The following TMCO1 variants were observed in gnomAD, a reference collection of about 807,000 sequenced individuals.
TMCO1 encodes the protein transmembrane and coiled-coil domains 1, also known as calcium load-activated calcium channel.
In TMCO1, 29 loss-of-function variants were observed where a neutral mutation model predicts 29.3. The observed-to-expected ratio is 0.99, with a 90% CI of 0.74 to 1.35. The LOEUF (loss-of-function observed/expected upper bound fraction) is 1.35, where lower values mean the gene tolerates loss of function less well. Among genes scored for constraint, TMCO1 ranks in the 40% most tolerant of loss-of-function variants. The pLI, the probability that TMCO1 is intolerant of heterozygous loss-of-function variation, is 0.00. For missense variants in TMCO1, 173 were observed against 225.5 expected (o/e 0.77, Z 1.49); for synonymous variants, 80 against 77.1 (o/e 1.04, Z -0.20).
At chr1:165,724,302 T>C (rs3186873), downstream of TMCO1, 119,797 of 440,660 alleles carry the variant, frequency 0.27, 17,965 homozygotes, top group East Asian at 0.58. Context: ...TAGAATACCA[T>C]CACTTTTAAT....
chr1:165,764,883 G>T (rs544260236), intron 2 of TMCO1, among the ~76,000 whole-genome samples: 289 of 152,204 alleles, frequency 1.9e-3, no homozygotes, highest in Non-Finnish European at 3.5e-3. Flanking sequence ...GGTTACTGCA[G>T]CAGATTAAAT....
At chr1:165,759,876 A>G (rs1219190092) in intron 2 of TMCO1, among the ~76,000 whole-genome samples, 2 of 152,230 alleles carry the variant, frequency 1.3e-5, no homozygotes, top group Non-Finnish European at 2.9e-5. Context: ...TGATTACCTT[A>G]GCTAGTTTCA....
rs186945539 is a variant in TMCO1, at chr1:165,749,209, A to T, written c.323+2893T>A. 3.9e-4 allele frequency among the ~76,000 whole-genome samples: 59 copies of T among 152,184 alleles called. 2 individuals carry two copies. Among genetic ancestry groups the T allele is most frequent in the Admixed American group, 3.6e-3 (55 of 15,280 alleles). Reference sequence around the variant, plus strand: ...CTATTTGGGTTCACTTTCACTTTTTATTCTATATAAGTGTTTGAATTTTTT... The same window carrying T: ...CTATTTGGGTTCACTTTCACTTTTTTTTCTATATAAGTGTTTGAATTTTTT... On this transcript the variant is annotated intron_variant, in intron 5 of 6. Transcript: ENST00000367881.
chr1:165,767,302 G>C (rs1182988240), intron 2 of TMCO1, among the ~76,000 whole-genome samples: 1 of 152,278 alleles, frequency 6.6e-6, no homozygotes, highest in South Asian at 2.1e-4. Flanking sequence ...AAAGAAGAGA[G>C]AAAACTAAAT....
intron 6 of TMCO1, among the ~76,000 whole-genome samples, chr1:165,729,854 C>T (rs1366715201): frequency 6.6e-6 from 1 of 152,108 alleles, no homozygotes; most frequent in Non-Finnish European, 1.5e-5. Context: ...CTCTTCAGAA[C>T]AAACTCCATT....
chr1:165,753,363 C>T (rs765180510), intron 4 of TMCO1, among the ~76,000 whole-genome samples: 10 of 151,236 alleles, frequency 6.6e-5, no homozygotes, highest in Non-Finnish European at 1.5e-4. Flanking sequence ...ATCCCAGCTA[C>T]TTGCAAGGCT....
Position 165,732,183 on chromosome 1 carries a change from T to C in TMCO1, c.469-4062A>G, listed in dbSNP as rs77610535. 6.7e-3 allele frequency among the ~76,000 whole-genome samples: 1,014 copies of C among 152,244 alleles called. 17 individuals carry two copies. Among genetic ancestry groups the C allele is most frequent in the African/African-American group, 0.022 (914 of 41,544 alleles). On this transcript the variant is annotated intron_variant, in intron 6 of 6. Transcript: ENST00000367881. The stretch of plus-strand genomic sequence containing the variant: ...CTCTACAGTAGTAACATCCTACATT[T>C]CTACACACTTTAAAGTTTGCAAACA...
At position 165,768,858 on chromosome 1, in the gene TMCO1, A is replaced by G. The variant is rs373051778; in HGVS notation, c.-107T>C. ...GTAGACTCCGCCACCACCGAGTAAC[A>G]GACCAACTCTGACAGCCCGAAGATC... On this transcript the variant is annotated 5_prime_UTR_variant, in exon 1 of 7. Coordinates refer to ENST00000367881, the MANE Select transcript of TMCO1 (RefSeq NM_019026.6). The G allele has an allele frequency of 1.9e-5, 30 of 1,573,864 alleles. No homozygotes were observed. In the African/African-American group the frequency reaches 3.4e-4, roughly 18 times the overall value.
intron 2 of TMCO1, among the ~76,000 whole-genome samples, chr1:165,759,795 C>T (rs1303204876): frequency 6.6e-6 from 1 of 152,132 alleles, no homozygotes; most frequent in Non-Finnish European, 1.5e-5. Context: ...CAATTATAAG[C>T]ATCATTAATC....
At chr1:165,725,637 T>G (rs760873034), downstream of TMCO1, 5 of 453,982 alleles carry the variant, frequency 1.1e-5, no homozygotes, top group Non-Finnish European at 2.2e-5. Context: ...GAGGCCTGTC[T>G]TGAAATGTCA....
chr1:165,744,274 G>A (rs1232125082), intron 5 of TMCO1, among the ~76,000 whole-genome samples: 3 of 152,208 alleles, frequency 2.0e-5, no homozygotes, highest in Non-Finnish European at 4.4e-5. Flanking sequence ...TATGACTCCA[G>A]AGGGCAGGAT....
In TMCO1 at chr1:165,763,678, G is replaced by A. The variant is rs1353917789; in HGVS notation, c.149-4094C>T. ...CTGTCACCTAGGCTGGAATGCAGTG[G>A]CCCAATCTCCCCTCTCTGCTCACTG... On this transcript the variant is annotated intron_variant, in intron 2 of 6. Coordinates refer to ENST00000367881, the MANE Select transcript of TMCO1 (RefSeq NM_019026.6). 2.6e-5 allele frequency among the ~76,000 whole-genome samples: 4 copies of A among 152,170 alleles called. No individual in the cohort carries two copies. In the East Asian group the frequency reaches 5.8e-4, roughly 22 times the overall value.
chr1:165,768,611 G>A (rs1444688372), intron 1 of TMCO1, 71 bp downstream of exon 1: 1 of 1,611,762 alleles, frequency 6.2e-7, no homozygotes, highest in African/African-American at 1.3e-5. Context: ...TCTTTCCCCT[G>A]GTGGCACAGG....
At chr1:165,730,044 G>C (rs1032786904) in intron 6 of TMCO1, among the ~76,000 whole-genome samples, 2 of 151,846 alleles carry the variant, frequency 1.3e-5, no homozygotes, top group Non-Finnish European at 2.9e-5. Context: ...GAGGACGGCC[G>C]GGCGCGGTGG....
chr1:165,742,274 T>G (rs1445905056), intron 6 of TMCO1, among the ~76,000 whole-genome samples: 1 of 120,920 alleles, frequency 8.3e-6, no homozygotes, highest in Non-Finnish European at 1.8e-5. Flanking sequence ...CCCCCTTTTC[T>G]TTTTTTGAGA....
intron 3 of TMCO1, among the ~76,000 whole-genome samples, chr1:165,758,373 T>C (rs1652273793): frequency 6.6e-6 from 1 of 152,028 alleles, no homozygotes; most frequent in Non-Finnish European, 1.5e-5. Flanking sequence ...CTGGCTAACA[T>C]GGCAAAATCC....
At chr1:165,761,707 G>A (rs1652411065) in intron 2 of TMCO1, among the ~76,000 whole-genome samples, 3 of 152,010 alleles carry the variant, frequency 2.0e-5, no homozygotes, top group African/African-American at 4.8e-5. Flanking sequence ...CCAGCACTCT[G>A]AGAGGCCAAG....
At chr1:165,725,818 T>C, downstream of TMCO1, 1 of 469,240 alleles carries the variant, frequency 2.1e-6, no homozygotes, top group South Asian at 1.6e-5. Context: ...AATATATCTT[T>C]GTTATTGTGC....
chr1:165,728,214 A>C, intron 6 of TMCO1, 93 bp from the exon 7 acceptor site: 48 of 943,798 alleles, frequency 5.1e-5, no homozygotes, highest in Non-Finnish European at 7.2e-5. Context: ...ACTCATACTC[A>C]TATAGATTAA....
Sources: allele counts gnomAD v4.1 joint callset (sites outside exome capture counted in the v4.1 genomes callset), GRCh38; gene constraint gnomAD v4.1.1; transcripts MANE v1.5; gene names NCBI Gene and HGNC (gene_info 2026-07-23, HGNC 2026-07-21).